The following CNTN4 variants were observed in gnomAD, a reference collection of about 807,000 sequenced individuals.
CNTN4 encodes the protein contactin-4.
A neutral mutation model predicts 122.5 loss-of-function variants in CNTN4; 77 were observed. The observed-to-expected ratio is 0.63, with a 90% CI of 0.52 to 0.76. The LOEUF (loss-of-function observed/expected upper bound fraction) is 0.76, where lower values mean the gene tolerates loss of function less well. CNTN4 is among the 30% of genes least tolerant of loss of function. CNTN4 has a pLI of 0.00. For synonymous variants in CNTN4, 512 were observed against 447.0 expected (o/e 1.15, Z -1.83); for missense variants, 1,256 against 1,259.1 (o/e 1.00, Z 0.04).
At chr3:2,407,195 T>C (rs1224915567) in intron 3 of CNTN4, among the ~76,000 whole-genome samples, 1 of 152,172 alleles carries the variant, frequency 6.6e-6, no homozygotes, top group Non-Finnish European at 1.5e-5. Context: ...ATTAATAAGA[T>C]TACAGGCATA....
At chr3:2,912,736 A>G (rs2094314405) in intron 12 of CNTN4, among the ~76,000 whole-genome samples, 1 of 152,252 alleles carries the variant, frequency 6.6e-6, no homozygotes, top group Non-Finnish European at 1.5e-5. Flanking sequence ...TGCCAGCTTG[A>G]ATAGATTATT....
intron 4 of CNTN4, among the ~76,000 whole-genome samples, chr3:2,710,992 G>A (rs1352892370): frequency 6.6e-6 from 1 of 152,190 alleles, no homozygotes; most frequent in Non-Finnish European, 1.5e-5. Flanking sequence ...CAATAAAATG[G>A]CAGGGGTATG....
intron 2 of CNTN4, among the ~76,000 whole-genome samples, chr3:2,282,221 T>C (rs2041742363): frequency 6.6e-6 from 1 of 152,154 alleles, no homozygotes; most frequent in African/African-American, 2.4e-5. Context: ...GCCAGTCAAA[T>C]GTAGCAAACA....
intron 2 of CNTN4, among the ~76,000 whole-genome samples, chr3:2,218,388 C>T (rs545394578): frequency 1.1e-4 from 17 of 152,218 alleles, no homozygotes; most frequent in Non-Finnish European, 2.4e-4. Flanking sequence ...GGCATGGTGG[C>T]ATGTACCTGT....
intron 13 of CNTN4, among the ~76,000 whole-genome samples, chr3:2,963,922 T>C (rs1303497480): frequency 1.3e-5 from 2 of 152,184 alleles, no homozygotes; most frequent in Admixed American, 6.5e-5. Context: ...AATTAGTGAA[T>C]TGAAGAATGG....
chr3:2,769,868 T>C (rs1576722386), intron 6 of CNTN4, among the ~76,000 whole-genome samples: 1 of 152,260 alleles, frequency 6.6e-6, no homozygotes, highest in Middle Eastern at 3.4e-3. Flanking sequence ...AGGCTAACTA[T>C]CTTCAGGAAT....
chr3:2,321,044 T>A (rs62243965), intron 2 of CNTN4, among the ~76,000 whole-genome samples: 30,225 of 152,046 alleles, frequency 0.2, 3,400 homozygotes, highest in Non-Finnish European at 0.25. Context: ...AGATAGACCC[T>A]TGTTGGGTGG....
At chr3:2,833,535 T>C (rs976138391) in intron 7 of CNTN4, among the ~76,000 whole-genome samples, 1 of 152,222 alleles carries the variant, frequency 6.6e-6, no homozygotes, top group Non-Finnish European at 1.5e-5. Context: ...TACCATTCCA[T>C]GTGAGTTCAT....
intron 2 of CNTN4, among the ~76,000 whole-genome samples, chr3:2,108,802 G>GATTAC (rs577503027): frequency 6.0e-4 from 92 of 152,326 alleles, no homozygotes; most frequent in African/African-American, 2.2e-3. Context: ...GTTTTGTGAA[G>GATTAC]ATTATGTAGA....
At chr3:2,761,070 A>G (rs2090568537) in intron 6 of CNTN4, among the ~76,000 whole-genome samples, 1 of 152,176 alleles carries the variant, frequency 6.6e-6, no homozygotes, top group Admixed American at 6.5e-5. Context: ...TTCCAAGACC[A>G]GTGGAGAGGT....
chr3:2,863,537 T>C (rs1305759746), intron 7 of CNTN4, among the ~76,000 whole-genome samples: 2 of 148,824 alleles, frequency 1.3e-5, no homozygotes, highest in Non-Finnish European at 3.0e-5. Flanking sequence ...ATTCAATATT[T>C]GTTGTTGTTT....
intron 13 of CNTN4, among the ~76,000 whole-genome samples, chr3:2,950,699 G>C (rs1310484981): frequency 6.6e-6 from 1 of 152,208 alleles, no homozygotes; most frequent in African/African-American, 2.4e-5. Context: ...CTTTATGAAT[G>C]TGGAGGATGA....
intron 7 of CNTN4, among the ~76,000 whole-genome samples, chr3:2,827,695 C>T (rs1312285098): frequency 6.6e-6 from 1 of 152,136 alleles, no homozygotes; most frequent in Non-Finnish European, 1.5e-5. Context: ...TAAACTCTAC[C>T]AATAGTCTTC....
chr3:2,460,409 A>T (rs1165826795), intron 3 of CNTN4, among the ~76,000 whole-genome samples: 1 of 152,126 alleles, frequency 6.6e-6, no homozygotes, highest in Non-Finnish European at 1.5e-5. Flanking sequence ...CTCAGGGTCA[A>T]TTCATGGTTC....
chr3:2,490,617 A>G (rs185820746), intron 3 of CNTN4, among the ~76,000 whole-genome samples: 2 of 152,336 alleles, frequency 1.3e-5, no homozygotes, highest in East Asian at 3.9e-4. Flanking sequence ...TTTGTGCACT[A>G]AGCAACATTT....
At chr3:2,408,027 G>A (rs548023560) in intron 3 of CNTN4, among the ~76,000 whole-genome samples, 2 of 152,302 alleles carry the variant, frequency 1.3e-5, no homozygotes, top group East Asian at 3.9e-4. Context: ...AGGTCATTCT[G>A]TGTGTCAAAC....
intron 14 of CNTN4, 108 bp downstream of exon 14, chr3:2,988,580 T>C: frequency 8.8e-7 from 1 of 1,133,240 alleles, no homozygotes; most frequent in Non-Finnish European, 1.3e-6. Flanking sequence ...GATACCACTG[T>C]ATTGCTAAAT....
chr3:2,163,808 C>G (rs1157331402), intron 2 of CNTN4, among the ~76,000 whole-genome samples: 1 of 152,110 alleles, frequency 6.6e-6, no homozygotes, highest in African/African-American at 2.4e-5. Flanking sequence ...TAATCTCACA[C>G]AAGTCAAAAT....
At chr3:2,152,712 C>T (rs2035547985) in intron 2 of CNTN4, among the ~76,000 whole-genome samples, 1 of 152,132 alleles carries the variant, frequency 6.6e-6, no homozygotes, top group African/African-American at 2.4e-5. Flanking sequence ...ACCCACCGTT[C>T]CCAGGGCGTA....
Sources: gnomAD v4.1 joint callset for allele counts (sites outside exome capture counted in the v4.1 genomes callset) on GRCh38, gnomAD v4.1.1 for gene constraint, MANE v1.5 for transcripts, NCBI Gene and HGNC (gene_info 2026-07-23, HGNC 2026-07-21) for gene names.